Variants in PPME1 observed in about 807,000 individuals in gnomAD.
PPME1 encodes testicular secretory protein Li 39.
PPME1 carries 17 observed loss-of-function variants against 56.9 expected under a neutral mutation model. The observed-to-expected ratio is 0.30, with a 90% CI of 0.20 to 0.45. PPME1 has a LOEUF of 0.45. Ranked by LOEUF, PPME1 falls within the 20% of genes least tolerant of loss-of-function variation. The pLI, the probability that PPME1 is intolerant of heterozygous loss-of-function variation, is 1.00. For missense variants in PPME1, 357 were observed against 483.2 expected (o/e 0.74, Z 2.45); for synonymous variants, 122 against 156.2 (o/e 0.78, Z 1.63).
Position 74,239,239 on chromosome 11 carries a change from A to C in PPME1, c.817A>C (p.Lys273Gln). The change falls in exon 9 of 14, where the codon AAG becomes CAG. Residue 273 changes from lysine (K) to glutamine (Q), a missense_variant. Transcript: ENST00000328257. ...EGSESISKRK[K>Q]EDDMETKKDH... ...AAGTGAGTCTATAAGCAAGAGGAAA[A>C]AGGAAGATGACATGGAGGTGGGTAA... 1 of 1,613,288 alleles carries C rather than the reference A, an allele frequency of 6.2e-7. No individual in the cohort carries two copies. The highest frequency in any genetic ancestry group is 8.5e-7 in the Non-Finnish European group (1 of 1,179,658).
chr11:74,172,976 G>T (rs78292063), intron 1 of PPME1, among the ~76,000 whole-genome samples: 4,175 of 152,192 alleles, frequency 0.027, 171 homozygotes, highest in African/African-American at 0.094. Flanking sequence ...ATAAAACAGT[G>T]GGGTAAAGGA....
intron 13 of PPME1, chr11:74,252,557 G>A (rs1859730528): frequency 2.2e-6 from 1 of 454,550 alleles, no homozygotes; most frequent in Admixed American, 2.3e-5. Context: ...AAGCTCTAGA[G>A]CAGGGTTTTC....
intron 9 of PPME1, among the ~76,000 whole-genome samples, chr11:74,243,095 A>C (rs1453802383): frequency 6.6e-6 from 1 of 152,082 alleles, no homozygotes; most frequent in Non-Finnish European, 1.5e-5. Context: ...CATCTCGCCC[A>C]GGTAAACATC....
chr11:74,236,860 C>T (rs1474281233), intron 8 of PPME1, among the ~76,000 whole-genome samples: 7 of 152,092 alleles, frequency 4.6e-5, no homozygotes, highest in Non-Finnish European at 7.4e-5. Flanking sequence ...CATTATTACA[C>T]GTAAAAAAAT....
At chr11:74,195,687 T>A (rs541225119) in intron 1 of PPME1, among the ~76,000 whole-genome samples, 15 of 152,246 alleles carry the variant, frequency 9.9e-5, no homozygotes, top group Non-Finnish European at 2.1e-4. Context: ...CCAAATAATC[T>A]TCCCTGTTTC....
At chr11:74,241,466 G>A (rs542552494) in intron 9 of PPME1, among the ~76,000 whole-genome samples, 3 of 152,180 alleles carry the variant, frequency 2.0e-5, no homozygotes, top group South Asian at 2.1e-4. Flanking sequence ...GCAACTTTTT[G>A]TGTGGATATA....
chr11:74,175,721 C>G (rs1442984629), intron 1 of PPME1, among the ~76,000 whole-genome samples: 1 of 152,096 alleles, frequency 6.6e-6, no homozygotes, highest in Non-Finnish European at 1.5e-5. Flanking sequence ...GCATGCCCAG[C>G]TCTGTAGTGA....
intron 12 of PPME1, 135 bp from the exon 13 acceptor site, chr11:74,251,513 T>G: frequency 6.8e-7 from 1 of 1,467,738 alleles, no homozygotes; most frequent in Non-Finnish European, 9.0e-7. Flanking sequence ...CTAGGTCCTT[T>G]TAATTTCAAG....
chr11:74,199,193 CTG>C (rs1262482600), intron 1 of PPME1, among the ~76,000 whole-genome samples: 1 of 152,108 alleles, frequency 6.6e-6, no homozygotes, highest in Non-Finnish European at 1.5e-5. Flanking sequence ...TTAAGTGTGT[CTG>C]TGTGTGTTTT....
chr11:74,194,099 GT>G (rs1314009769), intron 1 of PPME1, among the ~76,000 whole-genome samples: 4 of 152,072 alleles, frequency 2.6e-5, no homozygotes, highest in Non-Finnish European at 5.9e-5. Context: ...TAAATGATAT[GT>G]ATTTAGCTCC....
rs748317871 is a variant in PPME1, at chr11:74,204,349, A to C, written c.196-4A>C. 1.9e-6 allele frequency: 3 copies of C among 1,605,540 alleles called. No individual in the cohort carries two copies. The South Asian group carries it at 3.3e-5, about 18-fold the overall frequency. On this transcript the variant is annotated splice_region_variant and splice_polypyrimidine_tract_variant and intron_variant, in intron 2 of 13. Coordinates refer to ENST00000328257, the MANE Select transcript of PPME1 (RefSeq NM_016147.3). The stretch of plus-strand genomic sequence containing the variant: ...ATAGATGTTTTATCTTTAACTATTC[A>C]TACACTTTTCGAGTCTACAAGAGTG...
chr11:74,251,235 T>C lies in PPME1; in HGVS notation c.1074+217T>C, dbSNP rs1265125462. The C allele has an allele frequency of 9.3e-6, 13 of 1,400,802 alleles. No individual in the cohort carries two copies. In the South Asian group the frequency reaches 1.2e-4, roughly 13 times the overall value. 86.8% of individuals were successfully genotyped at this position (1,400,802 alleles called of 1,614,324 possible). Reference sequence around the variant, plus strand: ...TGAGGAGCTACTGACACTCTGCTATTTCATCCCAGGGCCCTGTGGTTAAGA... The same window carrying C: ...TGAGGAGCTACTGACACTCTGCTATCTCATCCCAGGGCCCTGTGGTTAAGA... On this transcript the variant is annotated intron_variant, in intron 12 of 13. Coordinates refer to ENST00000328257, the MANE Select transcript of PPME1 (RefSeq NM_016147.3).
At chr11:74,184,298 C>A (rs1442595925) in intron 1 of PPME1, among the ~76,000 whole-genome samples, 1 of 152,002 alleles carries the variant, frequency 6.6e-6, no homozygotes, top group African/African-American at 2.4e-5. Context: ...ATTAACTGAA[C>A]TATATTATTA....
chr11:74,211,586 G>A (rs1451958730), intron 3 of PPME1, among the ~76,000 whole-genome samples: 3 of 152,128 alleles, frequency 2.0e-5, no homozygotes, highest in Non-Finnish European at 4.4e-5. Flanking sequence ...GCCAAAAGAA[G>A]TGAAAGCCAT....
At chr11:74,231,051 TTTGC>T (rs766521836) in intron 7 of PPME1, 49 bp downstream of exon 7, 2 of 1,434,766 alleles carry the variant, frequency 1.4e-6, no homozygotes, top group South Asian at 2.5e-5. Context: ...TGTTTGTTTG[TTTGC>T]TTGCTTATTT....
intron 1 of PPME1, among the ~76,000 whole-genome samples, chr11:74,196,852 C>G (rs1300927153): frequency 6.6e-6 from 1 of 152,158 alleles, no homozygotes; most frequent in Non-Finnish European, 1.5e-5. Flanking sequence ...TTAGGAATGC[C>G]TTTGTTCTCC....
chr11:74,231,707 T>A lies in PPME1; in HGVS notation c.644+705T>A, dbSNP rs370464975. 5.3e-4 allele frequency among the ~76,000 whole-genome samples: 80 copies of A among 152,296 alleles called. No homozygotes were observed. In the East Asian group the frequency reaches 0.012, roughly 24 times the overall value. On this transcript the variant is annotated intron_variant, in intron 7 of 13. Coordinates refer to ENST00000328257, the MANE Select transcript of PPME1 (RefSeq NM_016147.3). ...AGACTAGGTGGTTTCTAAGGCATCA[T>A]CCACCTCTGATGCTTCATGGTTTTA...
At chr11:74,193,540 T>G (rs372938194) in intron 1 of PPME1, among the ~76,000 whole-genome samples, 2 of 152,240 alleles carry the variant, frequency 1.3e-5, no homozygotes, top group Admixed American at 6.5e-5. Flanking sequence ...TGAGGGATAC[T>G]CAACCTGTAC....
Position 74,253,485 on chromosome 11 carries a change from TC to T in PPME1, c.1143-5del, listed in dbSNP as rs1565398994. The T allele has an allele frequency of 6.2e-7, 1 of 1,606,388 alleles. No individual in the cohort carries two copies. Among genetic ancestry groups the T allele is most frequent in the Admixed American group, 1.7e-5 (1 of 60,022 alleles). On this transcript the variant is annotated splice_polypyrimidine_tract_variant and splice_region_variant and intron_variant, in intron 13 of 13. Transcript: ENST00000328257. ...TTGTTTTTCCTTCTCTTTCTGTTCT[TC>T]CACAGTGTGTTTCCTGGCTGTTAGT...
Sources: allele counts gnomAD v4.1 joint callset (sites outside exome capture counted in the v4.1 genomes callset), GRCh38; gene constraint gnomAD v4.1.1; transcripts MANE v1.5; gene names NCBI Gene and HGNC (gene_info 2026-07-23, HGNC 2026-07-21).